Variants in HIPK2 observed in about 807,000 individuals in gnomAD.
HIPK2 encodes homeodomain interacting protein kinase 2.
In HIPK2, 27 loss-of-function variants were observed where a neutral mutation model predicts 113.7. The observed-to-expected ratio is 0.24, with a 90% CI of 0.17 to 0.33. HIPK2 has a LOEUF of 0.33. HIPK2 is among the 10% of genes least tolerant of loss of function. The pLI is 1.00. For missense variants in HIPK2, 1,257 were observed against 1,588.0 expected (o/e 0.79, Z 3.54); for synonymous variants, 631 against 642.2 (o/e 0.98, Z 0.26).
intron 2 of HIPK2, among the ~76,000 whole-genome samples, chr7:139,644,982 G>T (rs970859503): frequency 6.6e-6 from 1 of 152,224 alleles, no homozygotes; most frequent in Non-Finnish European, 1.5e-5. Flanking sequence ...CAACTTTACT[G>T]ATTTAAATGC....
chr7:139,649,927 A>G (rs1801394686), intron 2 of HIPK2, among the ~76,000 whole-genome samples: 1 of 152,102 alleles, frequency 6.6e-6, no homozygotes, highest in Non-Finnish European at 1.5e-5. Context: ...TTGAAAAGCA[A>G]GGGTTCTTCT....
At chr7:139,774,682 G>C (rs1796709292) in intron 1 of HIPK2, among the ~76,000 whole-genome samples, 1 of 152,012 alleles carries the variant, frequency 6.6e-6, no homozygotes, top group Non-Finnish European at 1.5e-5. Flanking sequence ...CTCAGGGAGA[G>C]GAAAACATAA....
chr7:139,700,111 T>G (rs1346913039), intron 2 of HIPK2, among the ~76,000 whole-genome samples: 1 of 152,130 alleles, frequency 6.6e-6, no homozygotes, highest in Non-Finnish European at 1.5e-5. Flanking sequence ...GGCAGGACAC[T>G]TGCCTGTGCG....
intron 1 of HIPK2, among the ~76,000 whole-genome samples, chr7:139,732,074 C>T (rs888661589): frequency 1.3e-5 from 2 of 152,086 alleles, no homozygotes; most frequent in African/African-American, 4.8e-5. Context: ...AAAGAGAAGG[C>T]AAGTGAAATT....
intron 10 of HIPK2, among the ~76,000 whole-genome samples, chr7:139,603,077 T>G (rs1397337622): frequency 6.6e-6 from 1 of 151,906 alleles, no homozygotes; most frequent in Non-Finnish European, 1.5e-5. Flanking sequence ...GAAAATGAAC[T>G]GGAGGAATGG....
chr7:139,705,436 G>A (rs974235331), intron 2 of HIPK2, among the ~76,000 whole-genome samples: 1 of 151,992 alleles, frequency 6.6e-6, no homozygotes, highest in African/African-American at 2.4e-5. Context: ...GAGTGCAGTG[G>A]CGCAATCTCG....
chr7:139,710,462 A>C (rs1795028752), intron 2 of HIPK2, among the ~76,000 whole-genome samples: 1 of 152,208 alleles, frequency 6.6e-6, no homozygotes, highest in Non-Finnish European at 1.5e-5. Flanking sequence ...AGTCTGGCAG[A>C]AGGTAGGTTC....
rs1156566699 is a variant in HIPK2, at chr7:139,671,631, A to T, written c.1104-39906T>A. 2.0e-5 allele frequency among the ~76,000 whole-genome samples: 3 copies of T among 152,178 alleles called. No individual in the cohort carries two copies. In the East Asian group the frequency reaches 5.8e-4, roughly 29 times the overall value. On this transcript the variant is annotated intron_variant, in intron 2 of 14. Coordinates refer to ENST00000406875, the MANE Select transcript of HIPK2 (RefSeq NM_022740.5). ...CAATGGCATGATCTCGGCTCACTGC[A>T]ACCTCCGTCTCCTGGTTCAAGCAAT...
chr7:139,577,483 A>G (rs1798531351), intron 13 of HIPK2, among the ~76,000 whole-genome samples: 1 of 152,036 alleles, frequency 6.6e-6, no homozygotes. Flanking sequence ...CAAACTGCAT[A>G]ATGGCCTAGG....
intron 2 of HIPK2, among the ~76,000 whole-genome samples, chr7:139,668,525 C>T (rs577241381): frequency 3.0e-4 from 45 of 149,938 alleles, no homozygotes; most frequent in African/African-American, 5.7e-4. Context: ...CCAGTGAGAT[C>T]GCGCCACTGC....
Position 139,586,750 on chromosome 7 carries a change from C to G in HIPK2, c.2718-2686G>C, listed in dbSNP as rs149698438. Among the ~76,000 whole-genome samples, 11 of 151,684 alleles carry G rather than the reference C, an allele frequency of 7.3e-5. No homozygotes were observed. In the East Asian group the frequency reaches 1.9e-3, roughly 27 times the overall value. On this transcript the variant is annotated intron_variant, in intron 12 of 14. Coordinates refer to ENST00000406875, the MANE Select transcript of HIPK2 (RefSeq NM_022740.5). ...CTCCAGCCTGGGTGTCAGAGTGAAA[C>G]CCTGTCTCCAAAAAAAAAAAGTTCT...
chr7:139,712,647 C>T (rs953714515), intron 2 of HIPK2, among the ~76,000 whole-genome samples: 2 of 152,224 alleles, frequency 1.3e-5, no homozygotes, highest in South Asian at 2.1e-4. Flanking sequence ...CATCTGAAAG[C>T]GTCTTCTTTC....
At chr7:139,758,797 A>C (rs532009423) in intron 1 of HIPK2, among the ~76,000 whole-genome samples, 9 of 152,112 alleles carry the variant, frequency 5.9e-5, no homozygotes, top group African/African-American at 1.9e-4. Context: ...CCCTGGGGCC[A>C]AAAAGGCTAG....
chr7:139,650,220 T>C (rs1363521240), intron 2 of HIPK2, among the ~76,000 whole-genome samples: 1 of 151,830 alleles, frequency 6.6e-6, no homozygotes, highest in African/African-American at 2.4e-5. Flanking sequence ...TGTGGTAGCA[T>C]GAACCTGTAA....
At chr7:139,746,933 A>G (rs1796200033) in intron 1 of HIPK2, among the ~76,000 whole-genome samples, 1 of 152,146 alleles carries the variant, frequency 6.6e-6, no homozygotes, top group Non-Finnish European at 1.5e-5. Context: ...GACTTGGTGA[A>G]CCATTTGTTT....
chr7:139,759,750 A>G (rs1796433002), intron 1 of HIPK2, among the ~76,000 whole-genome samples: 1 of 152,224 alleles, frequency 6.6e-6, no homozygotes, highest in South Asian at 2.1e-4. Flanking sequence ...AGAACCTCTA[A>G]AAATGAAAGA....
intron 9 of HIPK2, among the ~76,000 whole-genome samples, chr7:139,606,534 G>C (rs993904475): frequency 1.3e-5 from 2 of 152,124 alleles, no homozygotes; most frequent in East Asian, 3.9e-4. Context: ...AAAACTGATG[G>C]ACAATTACTA....
chr7:139,620,994 AGTCACCTGCTTCAGCTACCCTGG>A (rs1800215654), intron 6 of HIPK2, among the ~76,000 whole-genome samples: 1 of 152,198 alleles, frequency 6.6e-6, no homozygotes, highest in African/African-American at 2.4e-5. Context: ...CAACCCTTGT[AGTCACCTGCTTCAGCTACCCTGG>A]GTCACCAGCA....
intron 7 of HIPK2, among the ~76,000 whole-genome samples, chr7:139,617,685 T>C (rs908993391): frequency 2.6e-5 from 4 of 152,246 alleles, no homozygotes; most frequent in Non-Finnish European, 4.4e-5. Context: ...TTATGAATTA[T>C]TGACCCAGCT....
Sources: gnomAD v4.1 joint callset for allele counts (sites outside exome capture counted in the v4.1 genomes callset) on GRCh38, gnomAD v4.1.1 for gene constraint, MANE v1.5 for transcripts, NCBI Gene and HGNC (gene_info 2026-07-23, HGNC 2026-07-21) for gene names.